The following REC114 variants were observed in gnomAD, a reference collection of about 807,000 sequenced individuals.
The protein encoded by REC114 is meiotic recombination protein REC114.
REC114 carries 27 observed loss-of-function variants against 31.3 expected under a neutral mutation model. The ratio of observed to expected loss-of-function variants is 0.86; its 90% CI spans 0.64 to 1.19. The LOEUF (loss-of-function observed/expected upper bound fraction) is 1.19, where lower values mean the gene tolerates loss of function less well. Ranked by LOEUF, REC114 falls within the 50% of genes most tolerant of loss-of-function variation. The pLI is 0.00. For missense variants in REC114, 344 were observed against 326.9 expected, an observed-to-expected ratio of 1.05 and a Z score of -0.40; for synonymous variants, 134 against 127.7, an observed-to-expected ratio of 1.05 and a Z score of -0.33.
intron 2 of REC114, among the ~76,000 whole-genome samples, chr15:73,538,800 CT>C (rs773602679): frequency 5.1e-4 from 77 of 151,964 alleles, no homozygotes; most frequent in Non-Finnish European, 1.0e-3. Flanking sequence ...ACATTTACTA[CT>C]TTTTACACCT....
intron 1 of REC114, 143 bp downstream of exon 1, chr15:73,443,487 C>T (rs192002173): frequency 2.1e-6 from 2 of 965,856 alleles, no homozygotes; most frequent in South Asian, 1.9e-5. Context: ...ATGGACAGGC[C>T]GACAACTAAG....
At chr15:73,446,595 G>A (rs573907320) in intron 1 of REC114, among the ~76,000 whole-genome samples, 2 of 151,900 alleles carry the variant, frequency 1.3e-5, no homozygotes, top group Non-Finnish European at 1.5e-5. Context: ...AGCTGAGATC[G>A]TGGCACTGCA....
chr15:73,545,849 A>T (rs1349236750), intron 3 of REC114, among the ~76,000 whole-genome samples: 1 of 152,212 alleles, frequency 6.6e-6, no homozygotes, highest in African/African-American at 2.4e-5. Context: ...AGTTAATTGC[A>T]GAATCCTAAT....
chr15:73,450,392 C>T (rs1295866890), intron 1 of REC114, among the ~76,000 whole-genome samples: 2 of 151,324 alleles, frequency 1.3e-5, no homozygotes, highest in Non-Finnish European at 3.0e-5. Context: ...GAGACAAGAG[C>T]GTTACATAAT....
intron 2 of REC114, among the ~76,000 whole-genome samples, chr15:73,526,591 C>T (rs947235236): frequency 6.6e-6 from 1 of 152,106 alleles, no homozygotes; most frequent in Non-Finnish European, 1.5e-5. Flanking sequence ...CAATAGTGTA[C>T]TTCCATTTGT....
chr15:73,485,986 G>A (rs1361283068), intron 2 of REC114, among the ~76,000 whole-genome samples: 2 of 152,186 alleles, frequency 1.3e-5, no homozygotes, highest in Admixed American at 6.5e-5. Flanking sequence ...ACTGTTCTAC[G>A]TTTATACTGT....
intron 2 of REC114, among the ~76,000 whole-genome samples, chr15:73,520,059 T>C (rs1893914410): frequency 6.6e-6 from 1 of 152,208 alleles, no homozygotes; most frequent in South Asian, 2.1e-4. Flanking sequence ...CGTATAACAC[T>C]GTGAATGCAT....
At chr15:73,558,658 C>G (rs1388002449) in intron 5 of REC114, among the ~76,000 whole-genome samples, 1 of 152,180 alleles carries the variant, frequency 6.6e-6, no homozygotes, top group Non-Finnish European at 1.5e-5. Flanking sequence ...GAAAAACTGA[C>G]AATACCAAAC....
intron 2 of REC114, among the ~76,000 whole-genome samples, chr15:73,476,090 A>G (rs928522781): frequency 6.6e-6 from 1 of 152,210 alleles, no homozygotes; most frequent in Non-Finnish European, 1.5e-5. Flanking sequence ...CGAGGTTTGC[A>G]TAAGTGTACT....
chr15:73,511,274 G>C (rs1893763133), intron 2 of REC114, among the ~76,000 whole-genome samples: 1 of 152,028 alleles, frequency 6.6e-6, no homozygotes, highest in Non-Finnish European at 1.5e-5. Flanking sequence ...GTATTTCTGT[G>C]GGATCGGTGG....
chr15:73,533,411 A>C (rs1278367171), intron 2 of REC114, among the ~76,000 whole-genome samples: 4 of 131,008 alleles, frequency 3.1e-5, no homozygotes, highest in Admixed American at 2.3e-4. Flanking sequence ...AACAGACTTT[A>C]AACCAACAAA....
At chr15:73,530,232 AATATCC>A (rs1299198432) in intron 2 of REC114, among the ~76,000 whole-genome samples, 6 of 152,336 alleles carry the variant, frequency 3.9e-5, no homozygotes, top group Non-Finnish European at 7.3e-5. Context: ...ATATTGCAGA[AATATCC>A]ATATTCAAAT....
intron 2 of REC114, chr15:73,483,882 A>T (rs1893329501): frequency 6.6e-6 from 1 of 152,134 alleles, no homozygotes; most frequent in Non-Finnish European, 1.5e-5. Flanking sequence ...CAGCCCAAGG[A>T]CTGGGGTCTG....
At chr15:73,516,814 A>G (rs182178590) in intron 2 of REC114, among the ~76,000 whole-genome samples, 144 of 152,150 alleles carry the variant, frequency 9.5e-4, no homozygotes, top group Non-Finnish European at 1.8e-3. Flanking sequence ...TTTAGTAGAG[A>G]TGGGGTTTTA....
At chr15:73,498,248 A>G (rs1182970648) in intron 2 of REC114, among the ~76,000 whole-genome samples, 2 of 151,404 alleles carry the variant, frequency 1.3e-5, no homozygotes, top group Non-Finnish European at 2.9e-5. Flanking sequence ...CTTTTTCCTC[A>G]TTAAATTTCT....
intron 2 of REC114, among the ~76,000 whole-genome samples, chr15:73,508,410 C>T (rs1486595269): frequency 2.7e-5 from 4 of 150,332 alleles, no homozygotes; most frequent in Admixed American, 1.3e-4. Flanking sequence ...TACCCTCTAC[C>T]GCAGCACAGT....
At chr15:73,515,932 C>T (rs532377285) in intron 2 of REC114, among the ~76,000 whole-genome samples, 1 of 151,750 alleles carries the variant, frequency 6.6e-6, no homozygotes. Context: ...TTATATTTTG[C>T]GCATAATCCA....
chr15:73,552,761 T>C lies in REC114; in HGVS notation c.546+1611T>C, dbSNP rs533415546. 7.0e-4 allele frequency among the ~76,000 whole-genome samples: 106 copies of C among 152,340 alleles called. 1 individual carries two copies. In the South Asian group the frequency reaches 0.011, roughly 15 times the overall value. Reference sequence around the variant, plus strand: ...TTTTCCAAACCTGGTTTTCCATTACTTCATCATGTTAGTTTTCCTTAACCA... The same window carrying C: ...TTTTCCAAACCTGGTTTTCCATTACCTCATCATGTTAGTTTTCCTTAACCA... On this transcript the variant is annotated intron_variant, in intron 4 of 5. Coordinates refer to ENST00000331090, the MANE Select transcript of REC114 (RefSeq NM_001042367.2).
At chr15:73,517,523 G>A (rs1050545357) in intron 2 of REC114, among the ~76,000 whole-genome samples, 1 of 152,134 alleles carries the variant, frequency 6.6e-6, no homozygotes, top group East Asian at 1.9e-4. Flanking sequence ...GAAGTGAGGG[G>A]GGGAAAGAGA....
Sources: gnomAD v4.1 joint callset for allele counts (sites outside exome capture counted in the v4.1 genomes callset) on GRCh38, gnomAD v4.1.1 for gene constraint, MANE v1.5 for transcripts, NCBI Gene and HGNC (gene_info 2026-07-23, HGNC 2026-07-21) for gene names.